PPP1R12A: variants seen among roughly 807,000 people sequenced by gnomAD.
PPP1R12A encodes the protein protein phosphatase 1 regulatory subunit 12A.
In PPP1R12A, 19 loss-of-function variants were observed where a neutral mutation model predicts 139.6. The ratio of observed to expected loss-of-function variants is 0.14; its 90% confidence interval spans 0.09 to 0.20. The LOEUF (loss-of-function observed/expected upper bound fraction) is 0.20. PPP1R12A is among the 10% of genes least tolerant of loss of function. The pLI is 1.00. For synonymous variants in PPP1R12A, 427 were observed against 420.6 expected, an observed-to-expected ratio of 1.02 and a Z score of -0.19; for missense variants, 925 against 1,211.5, an observed-to-expected ratio of 0.76 and a Z score of 3.51.
At chr12:79,810,690 T>A (rs1427422142) in intron 9 of PPP1R12A, among the ~76,000 whole-genome samples, 1 of 151,640 alleles carries the variant, frequency 6.6e-6, no homozygotes. Context: ...AATTTTAGCA[T>A]GAGATAATCT....
intron 14 of PPP1R12A, among the ~76,000 whole-genome samples, chr12:79,803,862 G>T (rs563175253): frequency 5.3e-4 from 81 of 151,790 alleles, no homozygotes; most frequent in Non-Finnish European, 4.1e-4. Context: ...AACTAATTAG[G>T]ACTAATTCTA....
intron 3 of PPP1R12A, among the ~76,000 whole-genome samples, chr12:79,833,630 G>A (rs369111410): frequency 4.7e-5 from 7 of 148,246 alleles, no homozygotes; most frequent in African/African-American, 1.8e-4. Flanking sequence ...TTCAAGACCA[G>A]CCTGGCCAAA....
At chr12:79,776,763 C>G (rs1201279151) in intron 24 of PPP1R12A, among the ~76,000 whole-genome samples, 1 of 152,066 alleles carries the variant, frequency 6.6e-6, no homozygotes, top group Non-Finnish European at 1.5e-5. Flanking sequence ...TACAAGTTAA[C>G]TGAATACTCT....
At chr12:79,803,620 CAA>C (rs992829214) in intron 14 of PPP1R12A, among the ~76,000 whole-genome samples, 5 of 152,052 alleles carry the variant, frequency 3.3e-5, no homozygotes, top group South Asian at 2.1e-4. Context: ...AAATAAAAGA[CAA>C]AGAGAAGAGG....
Position 79,781,847 on chromosome 12 carries a change from C to A in PPP1R12A, c.2923G>T (p.Ala975Ser). 1 of 1,543,462 alleles carries A rather than the reference C, an allele frequency of 6.5e-7. No homozygotes were observed. Among genetic ancestry groups the A allele is most frequent in the Non-Finnish European group, 8.8e-7 (1 of 1,140,870 alleles). ...EKATQRQERF[A>S]DRSLLEMEKR... Reference sequence around the variant, plus strand: ...TCCATTTCCAACAGTGATCTATCAGCAAATCTTTCTTGTCTCTGCAACAAA... The same window carrying A: ...TCCATTTCCAACAGTGATCTATCAGAAAATCTTTCTTGTCTCTGCAACAAA... The change falls in exon 23 of 25, where the codon GCT becomes TCT. Residue 975 changes from alanine (A) to serine (S), a missense_variant. Physicochemically the swap from Ala to Ser is moderately conservative, Grantham distance 99. This residue lies in a region of PPP1R12A where 315 missense variants were observed against 363.4 expected (regional missense o/e 0.87). Coordinates refer to ENST00000450142, the MANE Select transcript of PPP1R12A (RefSeq NM_002480.3).
chr12:79,827,787 A>AGACTAGAT (rs1876969894), intron 5 of PPP1R12A, among the ~76,000 whole-genome samples: 1 of 152,144 alleles, frequency 6.6e-6, no homozygotes, highest in African/African-American at 2.4e-5. Flanking sequence ...CAAAACTAGA[A>AGACTAGAT]GACTAGATGA....
intron 2 of PPP1R12A, among the ~76,000 whole-genome samples, chr12:79,871,974 C>A (rs1008689845): frequency 2.6e-5 from 4 of 152,028 alleles, no homozygotes; most frequent in African/African-American, 9.7e-5. Context: ...GTAATTCAGA[C>A]CTTATCGTTC....
intron 17 of PPP1R12A, among the ~76,000 whole-genome samples, chr12:79,796,457 T>C (rs1212587091): frequency 6.6e-6 from 1 of 152,122 alleles, no homozygotes; most frequent in Non-Finnish European, 1.5e-5. Context: ...AGGCAAGAAA[T>C]AGCTTAAAGC....
In PPP1R12A at chr12:79,817,490, A is replaced by C. The variant is rs1481241496; in HGVS notation, c.1143T>G (p.Thr381=). 3 of 1,598,874 alleles carry C rather than the reference A, an allele frequency of 1.9e-6. No individual in the cohort carries two copies. The highest frequency in any genetic ancestry group is 2.6e-6 in the Non-Finnish European group (3 of 1,171,366). Residue 381 remains threonine, a synonymous_variant, in exon 9 of 25, where the codon ACT becomes ACG. Coordinates refer to ENST00000450142, the MANE Select transcript of PPP1R12A (RefSeq NM_002480.3). The part of the protein sequence containing the change: ...TDKTKPLASV[T]NANTSSTQAA... ...CTTGTGTACTAGAAGTGTTGGCATT[A>C]GTTACAGAAGCCAGGGGTTTTGTCT...
At chr12:79,808,998 C>T (rs1874197587) in intron 10 of PPP1R12A, among the ~76,000 whole-genome samples, 1 of 152,030 alleles carries the variant, frequency 6.6e-6, no homozygotes, top group Non-Finnish European at 1.5e-5. Flanking sequence ...CTCTCAAATA[C>T]ATCAAAATAG....
rs991176988 is a variant in PPP1R12A, at chr12:79,839,449, T to G, written c.487+5853A>C. ...GTTATGAAATGTGAGGACGTGAGATTTGGAAGGGGCCAGGAGTGGGATGAT... is the reference window on the plus strand; with the variant it reads ...GTTATGAAATGTGAGGACGTGAGATGTGGAAGGGGCCAGGAGTGGGATGAT... On this transcript the variant is annotated intron_variant, in intron 3 of 24. Coordinates refer to ENST00000450142, the MANE Select transcript of PPP1R12A (RefSeq NM_002480.3). Among the ~76,000 whole-genome samples, 4 of 151,198 alleles carry G rather than the reference T, an allele frequency of 2.6e-5. No individual in the cohort carries two copies. In the East Asian group the frequency reaches 7.9e-4, roughly 30 times the overall value.
chr12:79,799,663 G>A (rs573970148), intron 14 of PPP1R12A, among the ~76,000 whole-genome samples: 21 of 152,176 alleles, frequency 1.4e-4, no homozygotes, highest in South Asian at 8.3e-4. Context: ...TTAAGCCTAT[G>A]TTTCCTCTTG....
chr12:79,821,014 T>C, intron 7 of PPP1R12A, 64 bp downstream of exon 7: 18 of 1,595,462 alleles, frequency 1.1e-5, no homozygotes, highest in Non-Finnish European at 1.5e-5. Flanking sequence ...ACAATAATCA[T>C]GCCTGTGGCC....
chr12:79,839,790 A>C (rs1264011210), intron 3 of PPP1R12A, among the ~76,000 whole-genome samples: 1 of 152,132 alleles, frequency 6.6e-6, no homozygotes, highest in Admixed American at 6.5e-5. Flanking sequence ...AAGTTTCCTG[A>C]GGCCTCCCCA....
chr12:79,789,736 G>A (rs1871576083), intron 20 of PPP1R12A: 5 of 414,126 alleles, frequency 1.2e-5, no homozygotes, highest in Non-Finnish European at 1.4e-5. Context: ...AGGATATAGT[G>A]GAGGTTCTCT....
At chr12:79,848,637 G>A (rs894379140) in intron 2 of PPP1R12A, among the ~76,000 whole-genome samples, 1 of 152,120 alleles carries the variant, frequency 6.6e-6, no homozygotes, top group African/African-American at 2.4e-5. Flanking sequence ...GATTACGTAC[G>A]TGTGTATGTA....
intron 2 of PPP1R12A, among the ~76,000 whole-genome samples, chr12:79,871,075 G>C (rs1882520322): frequency 2.6e-5 from 4 of 152,158 alleles, no homozygotes; most frequent in African/African-American, 4.8e-5. Context: ...CAAGAGGGGA[G>C]AAGGCTAAGA....
intron 1 of PPP1R12A, among the ~76,000 whole-genome samples, chr12:79,896,711 G>A (rs564684682): frequency 6.6e-6 from 1 of 152,174 alleles, no homozygotes; most frequent in South Asian, 2.1e-4. Context: ...CTGTGAATTG[G>A]CCCCCACTTA....
chr12:79,834,042 G>A (rs1027930947), intron 3 of PPP1R12A, among the ~76,000 whole-genome samples: 1 of 152,048 alleles, frequency 6.6e-6, no homozygotes, highest in Non-Finnish European at 1.5e-5. Context: ...TATATACTGA[G>A]CACCTACTAT....
Sources: gnomAD v4.1 joint callset for allele counts (sites outside exome capture counted in the v4.1 genomes callset) on GRCh38, gnomAD v4.1.1 for gene constraint, gnomAD v4.1.1 regional missense constraint, MANE v1.5 for transcripts, NCBI Gene and HGNC (gene_info 2026-07-23, HGNC 2026-07-21) for gene names.